The following CDH13 variants were observed in gnomAD, a reference collection of about 807,000 sequenced individuals.
CDH13 encodes cadherin 13, also known as cadherin-13.
CDH13 carries 24 observed loss-of-function variants against 63.8 expected under a neutral mutation model. That is an observed-to-expected ratio of 0.38 (90% confidence interval 0.27 to 0.53). The LOEUF is 0.53. Among genes scored for constraint, CDH13 ranks in the 20% least tolerant of loss-of-function variants. CDH13 has a pLI of 0.85. For missense variants in CDH13, 1,049 were observed against 903.1 expected, an observed-to-expected ratio of 1.16 and a Z score of -2.07; for synonymous variants, 503 against 355.3, an observed-to-expected ratio of 1.42 and a Z score of -4.67.
chr16:83,381,319 C>T (rs2091562947), intron 6 of CDH13, among the ~76,000 whole-genome samples: 1 of 152,076 alleles, frequency 6.6e-6, no homozygotes, highest in South Asian at 2.1e-4. Flanking sequence ...TCCCCCTTTC[C>T]CTGCCCCTTC....
chr16:83,591,547 A>G (rs146788341), intron 7 of CDH13, among the ~76,000 whole-genome samples: 16 of 152,216 alleles, frequency 1.1e-4, no homozygotes, highest in South Asian at 6.2e-4. Flanking sequence ...TCACCTCACA[A>G]ACCTTGACTC....
rs116486634 is a variant in CDH13, at chr16:83,287,388, G to A, written c.637-57474G>A. ...CTGCCCAGCAGGAGGTAAGTAGCAGGCAAGCAAGCAAGCCAAGCTTCATCT... is the reference window on the plus strand; with the variant it reads ...CTGCCCAGCAGGAGGTAAGTAGCAGACAAGCAAGCAAGCCAAGCTTCATCT... On this transcript the variant is annotated intron_variant, in intron 5 of 13. Coordinates refer to ENST00000567109, the MANE Select transcript of CDH13 (RefSeq NM_001257.5). Among the ~76,000 whole-genome samples the A allele has an allele frequency of 2.3e-3, 343 of 152,302 alleles. 1 individual carries two copies. The highest frequency in any genetic ancestry group is 8.0e-3 in the African/African-American group (332 of 41,564).
intron 4 of CDH13, among the ~76,000 whole-genome samples, chr16:83,184,866 T>G (rs2038465600): frequency 6.6e-6 from 1 of 151,812 alleles, no homozygotes; most frequent in South Asian, 2.1e-4. Context: ...TCATTTAGTG[T>G]TTGTGATGTC....
intron 7 of CDH13, among the ~76,000 whole-genome samples, chr16:83,504,372 G>A (rs1055678274): frequency 1.3e-5 from 2 of 152,138 alleles, no homozygotes; most frequent in Non-Finnish European, 2.9e-5. Flanking sequence ...AAGCATTTTG[G>A]AGGTATTTCT....
chr16:83,369,802 C>T (rs1223163422), intron 6 of CDH13, among the ~76,000 whole-genome samples: 1 of 152,170 alleles, frequency 6.6e-6, no homozygotes, highest in Non-Finnish European at 1.5e-5. Context: ...CCCACACCAA[C>T]ATCCTTTCTC....
chr16:83,512,365 T>TAAATAAATAAATA (rs1555564550), intron 7 of CDH13, among the ~76,000 whole-genome samples: 2 of 108,552 alleles, frequency 1.8e-5, no homozygotes, highest in South Asian at 5.9e-4. Context: ...AATAAATAAA[T>TAAATAAATAAATA]AAATAAAATA....
intron 1 of CDH13, among the ~76,000 whole-genome samples, chr16:82,680,554 C>G (rs138801542): frequency 2.6e-3 from 391 of 152,222 alleles, no homozygotes; most frequent in Non-Finnish European, 3.4e-3. Flanking sequence ...TATATATACT[C>G]CAAAATATGC....
intron 1 of CDH13, among the ~76,000 whole-genome samples, chr16:82,772,915 C>G (rs1353279538): frequency 6.6e-6 from 1 of 152,124 alleles, no homozygotes; most frequent in Non-Finnish European, 1.5e-5. Context: ...GCTTCAGTGG[C>G]CATCAGGATG....
chr16:82,978,874 C>G (rs1909880919), intron 2 of CDH13, among the ~76,000 whole-genome samples: 1 of 76,878 alleles, frequency 1.3e-5, no homozygotes, highest in Non-Finnish European at 2.4e-5. Context: ...AATGGTAGCT[C>G]CACCGACAGC....
chr16:82,988,115 G>T (rs1226772600), intron 2 of CDH13, among the ~76,000 whole-genome samples: 1 of 152,186 alleles, frequency 6.6e-6, no homozygotes, highest in African/African-American at 2.4e-5. Flanking sequence ...AGACTGATCA[G>T]CTGGGCCAAA....
At chr16:83,720,705 C>A (rs905466358) in intron 10 of CDH13, among the ~76,000 whole-genome samples, 1 of 152,232 alleles carries the variant, frequency 6.6e-6, no homozygotes, top group Non-Finnish European at 1.5e-5. Flanking sequence ...CCACGCTCCA[C>A]TGGCTTCCAT....
chr16:83,616,924 C>T (rs1449508567), intron 8 of CDH13, among the ~76,000 whole-genome samples: 2 of 152,180 alleles, frequency 1.3e-5, no homozygotes, highest in African/African-American at 4.8e-5. Flanking sequence ...TGCCACTACA[C>T]ACTCTGTTCC....
chr16:83,443,190 G>A (rs964019236), intron 6 of CDH13, among the ~76,000 whole-genome samples: 1 of 152,164 alleles, frequency 6.6e-6, no homozygotes, highest in Non-Finnish European at 1.5e-5. Context: ...TGATAGGGTG[G>A]GTGACTTACT....
intron 3 of CDH13, among the ~76,000 whole-genome samples, chr16:83,079,651 C>T (rs2033102847): frequency 6.6e-6 from 1 of 152,172 alleles, no homozygotes; most frequent in African/African-American, 2.4e-5. Context: ...ATCCTTGCTG[C>T]CTACACTCAT....
rs371572970 is a variant in CDH13, at chr16:83,253,101, T to C, written c.636+35604T>C. On this transcript the variant is annotated intron_variant, in intron 5 of 13. Transcript: ENST00000567109. ...GTGGAGATTGTAACTCTTACTAATC[T>C]GGTGGTGGTGTCCTCCTCAAAGTAA... Among the ~76,000 whole-genome samples the C allele has an allele frequency of 1.3e-4, 20 of 152,348 alleles. No individual in the cohort carries two copies. The South Asian group carries it at 2.5e-3, about 19-fold the overall frequency.
chr16:83,272,234 T>C lies in CDH13; in HGVS notation c.636+54737T>C, dbSNP rs75672895. Among the ~76,000 whole-genome samples, 116 of 152,298 alleles carry C rather than the reference T, an allele frequency of 7.6e-4. 1 individual carries two copies. In the East Asian group the frequency reaches 0.019, roughly 26 times the overall value. On this transcript the variant is annotated intron_variant, in intron 5 of 13. Transcript: ENST00000567109. Reference sequence around the variant, plus strand: ...AGATGGATGATAAAATTAAAAATTGTGCAAGTGCATGATCCAGTGTCAGGG... The same window carrying C: ...AGATGGATGATAAAATTAAAAATTGCGCAAGTGCATGATCCAGTGTCAGGG...
intron 2 of CDH13, among the ~76,000 whole-genome samples, chr16:82,873,659 G>C (rs1408342890): frequency 6.6e-6 from 1 of 152,214 alleles, no homozygotes; most frequent in Non-Finnish European, 1.5e-5. Context: ...ATACAAAGGA[G>C]TGACAGCAGT....
chr16:82,913,873 G>A (rs992024730), intron 2 of CDH13, among the ~76,000 whole-genome samples: 1 of 152,174 alleles, frequency 6.6e-6, no homozygotes, highest in East Asian at 1.9e-4. Context: ...CGGAGCACCT[G>A]GAGTTTAATC....
intron 4 of CDH13, among the ~76,000 whole-genome samples, chr16:83,166,535 A>C (rs1444446010): frequency 6.6e-6 from 1 of 152,122 alleles, no homozygotes; most frequent in East Asian, 1.9e-4. Flanking sequence ...AAATGTGAGG[A>C]ACACAGACTT....
Sources: gnomAD v4.1 joint callset for allele counts (sites outside exome capture counted in the v4.1 genomes callset) on GRCh38, gnomAD v4.1.1 for gene constraint, MANE v1.5 for transcripts, NCBI Gene and HGNC (gene_info 2026-07-23, HGNC 2026-07-21) for gene names.